The following HELZ variants were observed in gnomAD, a reference collection of about 807,000 sequenced individuals.
HELZ encodes the protein ATP-dependent RNA helicase with zinc finger domain.
HELZ carries 23 observed loss-of-function variants against 218.2 expected under a neutral mutation model. That is an observed-to-expected ratio of 0.11 (90% CI 0.08 to 0.15). HELZ has a LOEUF of 0.15. HELZ is among the 10% of genes least tolerant of loss of function. HELZ has a pLI of 1.00. For missense variants in HELZ, 1,813 were observed against 2,353.7 expected, an observed-to-expected ratio of 0.77 and a Z score of 4.75; for synonymous variants, 814 against 829.4, an observed-to-expected ratio of 0.98 and a Z score of 0.32.
chr17:67,148,756 CA>C (rs1469707151), intron 19 of HELZ, 42 bp from the exon 20 acceptor site: 2 of 1,540,742 alleles, frequency 1.3e-6, no homozygotes, highest in African/African-American at 2.8e-5. Context: ...ACTGAACATA[CA>C]AATAGTATTT....
At chr17:67,092,632 C>A (rs1219084756) in intron 31 of HELZ, among the ~76,000 whole-genome samples, 1 of 152,190 alleles carries the variant, frequency 6.6e-6, no homozygotes, top group Non-Finnish European at 1.5e-5. Context: ...GCAATACATC[C>A]TGTGATATAC....
At chr17:67,143,866 C>T (rs558685729) in intron 21 of HELZ, among the ~76,000 whole-genome samples, 1 of 152,206 alleles carries the variant, frequency 6.6e-6, no homozygotes, top group Admixed American at 6.5e-5. Flanking sequence ...GAATTACACA[C>T]AGCACATATG....
At position 67,148,604 on chromosome 17, in the gene HELZ, C is replaced by A; in HGVS notation, c.2586G>T (p.Leu862=). ...CTTCATGGGAGCGGTAGTTCTCACA[C>A]AGGAGAATCCTACATGGGAACTCAG... ...YPAEFPCRIL[L]CENYRSHEAI... is the part of the protein sequence containing the mutation. Residue 862 remains leucine, a synonymous_variant, in exon 20 of 33, where the codon CTG becomes CTT. Transcript: ENST00000358691. 1 of 1,613,654 alleles carries A rather than the reference C, an allele frequency of 6.2e-7. No individual in the cohort carries two copies. Among genetic ancestry groups the A allele is most frequent in the Non-Finnish European group, 8.5e-7 (1 of 1,179,788 alleles).
At chr17:67,234,457 C>T (rs1397892809) in intron 3 of HELZ, among the ~76,000 whole-genome samples, 1 of 151,972 alleles carries the variant, frequency 6.6e-6, no homozygotes, top group Admixed American at 6.6e-5. Flanking sequence ...AGGTTCTCAT[C>T]GCCCTCACTT....
chr17:67,167,871 T>C (rs1215842348), intron 13 of HELZ, 75 bp from the exon 14 acceptor site: 1 of 986,568 alleles, frequency 1.0e-6, no homozygotes, highest in African/African-American at 1.7e-5. Context: ...TGAAACAAAG[T>C]AAATCAAATA....
chr17:67,216,065 C>T, intron 4 of HELZ, 130 bp from the exon 5 acceptor site: 2 of 676,548 alleles, frequency 3.0e-6, no homozygotes, highest in South Asian at 3.2e-5. Context: ...ATTCACAGAG[C>T]AAAGCTAACA....
chr17:67,171,645 C>T (rs1002783692), intron 13 of HELZ, among the ~76,000 whole-genome samples: 10 of 152,264 alleles, frequency 6.6e-5, no homozygotes, highest in African/African-American at 2.4e-4. Context: ...CTGAAAAATG[C>T]AAATCTGGTA....
At chr17:67,147,797 T>C (rs1392818722) in intron 20 of HELZ, among the ~76,000 whole-genome samples, 1 of 152,148 alleles carries the variant, frequency 6.6e-6, no homozygotes, top group Non-Finnish European at 1.5e-5. Context: ...CCCTATACTC[T>C]GAGGGAAGGA....
chr17:67,222,998 A>G (rs1314498840), intron 3 of HELZ, among the ~76,000 whole-genome samples: 1 of 151,806 alleles, frequency 6.6e-6, no homozygotes, highest in Non-Finnish European at 1.5e-5. Context: ...CTGTAATCCC[A>G]GCACTTTGGG....
chr17:67,220,107 G>C (rs112492742), intron 3 of HELZ, among the ~76,000 whole-genome samples: 1 of 152,036 alleles, frequency 6.6e-6, no homozygotes, highest in Admixed American at 6.6e-5. Context: ...TGTCCCTTCC[G>C]CCTGCCTCCA....
rs377282224 is a variant in HELZ, at chr17:67,148,535, A to G, written c.2621+34T>C. 110 of 1,588,094 alleles carry G rather than the reference A, an allele frequency of 6.9e-5. No individual in the cohort carries two copies. In the African/African-American group the frequency reaches 1.3e-3, roughly 19 times the overall value. ...GTTCCCTCCTACTATCAGACCAACGAAAGTATGACACGGAGGGGGCAGTTC... is the reference window on the plus strand; with the variant it reads ...GTTCCCTCCTACTATCAGACCAACGGAAGTATGACACGGAGGGGGCAGTTC... On this transcript the variant is annotated intron_variant, in intron 20 of 32. Transcript: ENST00000358691.
intron 17 of HELZ, 67 bp from the exon 18 acceptor site, chr17:67,151,291 C>A (rs1210638452): frequency 8.2e-7 from 1 of 1,217,700 alleles, no homozygotes; most frequent in Non-Finnish European, 1.2e-6. Context: ...GTTATTAAAA[C>A]ACTGACATTG....
intron 31 of HELZ, among the ~76,000 whole-genome samples, chr17:67,095,105 C>T (rs574689027): frequency 6.6e-6 from 1 of 152,288 alleles, no homozygotes; most frequent in South Asian, 2.1e-4. Context: ...TAAGCCCTTC[C>T]AGTATTTTAT....
chr17:67,139,406 TG>T (rs2038252705), intron 21 of HELZ, among the ~76,000 whole-genome samples: 1 of 152,194 alleles, frequency 6.6e-6, no homozygotes, highest in African/African-American at 2.4e-5. Context: ...TGTGGTTAGA[TG>T]TGGGGATAGA....
In HELZ at chr17:67,128,740, A is replaced by G; in HGVS notation, c.3298T>C (p.Leu1100=). 6.2e-7 allele frequency: 1 copy of G among 1,614,156 alleles called. No individual in the cohort carries two copies. The change falls in exon 24 of 33, where the codon TTG becomes CTG. Residue 1100 remains leucine (L), a synonymous_variant. Transcript: ENST00000358691. ...ATAAATTCAGGTGCCAGCGGATTCA[A>G]CACATATGTCTTCTTTAGTTCTAAA... ...EALELKKTYV[L]NPLAPEFIPR...
At chr17:67,132,581 A>C (rs1469536097) in intron 23 of HELZ, among the ~76,000 whole-genome samples, 4 of 152,342 alleles carry the variant, frequency 2.6e-5, no homozygotes, top group African/African-American at 9.6e-5. Context: ...AAATGCAAAT[A>C]AAATACCCAC....
chr17:67,232,489 T>C (rs1485647377), intron 3 of HELZ, among the ~76,000 whole-genome samples: 1 of 152,204 alleles, frequency 6.6e-6, no homozygotes, highest in Admixed American at 6.5e-5. Flanking sequence ...TAAGTTTTCA[T>C]TGTCATGGAA....
intron 1 of HELZ, 73 bp downstream of exon 1, chr17:67,245,075 G>C (rs1178053969): frequency 1.0e-6 from 1 of 984,462 alleles, no homozygotes; most frequent in African/African-American, 1.8e-5. Context: ...GGGGAGTCGG[G>C]TCCCCTCCCC....
chr17:67,166,968 A>G (rs1377676145), intron 14 of HELZ, among the ~76,000 whole-genome samples: 1 of 152,222 alleles, frequency 6.6e-6, no homozygotes, highest in Non-Finnish European at 1.5e-5. Flanking sequence ...AAAAGATCAG[A>G]ACATGTGAAG....
Sources: allele counts gnomAD v4.1 joint callset (sites outside exome capture counted in the v4.1 genomes callset), GRCh38; gene constraint gnomAD v4.1.1; transcripts MANE v1.5; gene names NCBI Gene and HGNC (gene_info 2026-07-23, HGNC 2026-07-21).